MDGA2: variants seen among roughly 807,000 people sequenced by gnomAD.
The protein encoded by MDGA2 is MAM domain-containing glycosylphosphatidylinositol anchor protein 2.
MDGA2 carries 40 observed loss-of-function variants against 117.8 expected under a neutral mutation model. The ratio of observed to expected loss-of-function variants is 0.34; its 90% confidence interval spans 0.26 to 0.44. The LOEUF (loss-of-function observed/expected upper bound fraction) is 0.44. MDGA2 is among the 20% of genes least tolerant of loss of function. The pLI, the probability that MDGA2 is intolerant of heterozygous loss-of-function variation, is 1.00. For synonymous variants in MDGA2, 452 were observed against 439.0 expected (o/e 1.03, Z -0.37); for missense variants, 1,123 against 1,250.6 (o/e 0.90, Z 1.54).
At chr14:47,155,770 C>T (rs1023993399) in intron 3 of MDGA2, among the ~76,000 whole-genome samples, 1 of 152,054 alleles carries the variant, frequency 6.6e-6, no homozygotes, top group Admixed American at 6.6e-5. Flanking sequence ...CTGAGCAAAA[C>T]TTGGGCAAAG....
intron 1 of MDGA2, among the ~76,000 whole-genome samples, chr14:47,591,567 A>G (rs1238222796): frequency 6.6e-6 from 1 of 152,160 alleles, no homozygotes; most frequent in Admixed American, 6.6e-5. Flanking sequence ...GGCAAACCGA[A>G]TCCAGCAGCA....
chr14:47,379,200 A>G (rs1891550194), intron 1 of MDGA2, among the ~76,000 whole-genome samples: 1 of 152,208 alleles, frequency 6.6e-6, no homozygotes. Context: ...GCCTTACAAG[A>G]GCTCCTGAAG....
At chr14:47,256,890 A>T (rs1239675851) in intron 2 of MDGA2, among the ~76,000 whole-genome samples, 1 of 151,874 alleles carries the variant, frequency 6.6e-6, no homozygotes, top group East Asian at 1.9e-4. Flanking sequence ...GAAAAGAAAG[A>T]AAAAAGAAGG....
intron 1 of MDGA2, among the ~76,000 whole-genome samples, chr14:47,321,865 C>A (rs969026508): frequency 2.0e-5 from 3 of 151,874 alleles, no homozygotes. Context: ...TGGTAACATT[C>A]AAAAAAAGAA....
At chr14:46,857,959 AT>A (rs1881339735) in intron 14 of MDGA2, among the ~76,000 whole-genome samples, 1 of 151,938 alleles carries the variant, frequency 6.6e-6, no homozygotes, top group South Asian at 2.1e-4. Flanking sequence ...TGGTCCCATT[AT>A]TTCTAACAAT....
intron 1 of MDGA2, among the ~76,000 whole-genome samples, chr14:47,620,641 C>A (rs189228146): frequency 6.6e-4 from 101 of 152,278 alleles, no homozygotes; most frequent in Non-Finnish European, 1.0e-3. Flanking sequence ...AGCTTATACA[C>A]TGCCCTTCAG....
intron 9 of MDGA2, among the ~76,000 whole-genome samples, chr14:46,932,642 T>C (rs1884624889): frequency 6.6e-6 from 1 of 152,072 alleles, no homozygotes; most frequent in African/African-American, 2.4e-5. Flanking sequence ...TGCTAAGAAT[T>C]AGAAACTAGA....
chr14:47,511,532 T>G (rs963092237), intron 1 of MDGA2, among the ~76,000 whole-genome samples: 1 of 152,184 alleles, frequency 6.6e-6, no homozygotes, highest in African/African-American at 2.4e-5. Context: ...ATAACTAAAC[T>G]GTTTTAAAGT....
At chr14:46,992,359 C>T (rs950101961) in intron 8 of MDGA2, among the ~76,000 whole-genome samples, 2 of 151,964 alleles carry the variant, frequency 1.3e-5, no homozygotes, top group Non-Finnish European at 2.9e-5. Context: ...CCAATGTTAC[C>T]AGAAGACGTT....
At chr14:47,651,409 G>A (rs1237120388) in intron 1 of MDGA2, among the ~76,000 whole-genome samples, 1 of 152,074 alleles carries the variant, frequency 6.6e-6, no homozygotes, top group Non-Finnish European at 1.5e-5. Flanking sequence ...AAAAATCACT[G>A]TATCTCCACC....
chr14:47,219,700 T>A (rs1316562872), intron 2 of MDGA2, among the ~76,000 whole-genome samples: 2 of 151,894 alleles, frequency 1.3e-5, no homozygotes, highest in East Asian at 3.9e-4. Context: ...TGGTTATAAA[T>A]TGACTCTAAA....
chr14:47,578,384 T>G (rs868241027), intron 1 of MDGA2, among the ~76,000 whole-genome samples: 9 of 152,014 alleles, frequency 5.9e-5, no homozygotes, highest in Admixed American at 3.3e-4. Context: ...ACCTACACAT[T>G]CTGCACTTGT....
chr14:47,064,906 C>G (rs1890025573), intron 6 of MDGA2, among the ~76,000 whole-genome samples: 1 of 152,014 alleles, frequency 6.6e-6, no homozygotes, highest in Non-Finnish European at 1.5e-5. Context: ...GTAATTAGTA[C>G]TGGAGTATAA....
chr14:47,106,891 T>C (rs1234337773), intron 5 of MDGA2, among the ~76,000 whole-genome samples: 12 of 135,566 alleles, frequency 8.9e-5, no homozygotes, highest in South Asian at 2.2e-4. Flanking sequence ...ACTTAGACAA[T>C]ACTCTTTTAA....
In MDGA2 at chr14:47,096,770, G is replaced by A. The variant is rs1879996297; in HGVS notation, c.1195+84C>T. 8 of 1,284,564 alleles carry A rather than the reference G, an allele frequency of 6.2e-6. No individual in the cohort carries two copies. In the Admixed American group the frequency reaches 9.5e-5, roughly 15 times the overall value. 79.6% of individuals were successfully genotyped at this position (1,284,564 alleles called of 1,614,324 possible). A position where few individuals can be genotyped will look rare whatever the true frequency, so the allele number is the denominator to read the frequency against. On this transcript the variant is annotated intron_variant, in intron 6 of 16. Coordinates refer to ENST00000399232, the MANE Select transcript of MDGA2 (RefSeq NM_001113498.3). Reference sequence around the variant, plus strand: ...TTTACAGATACATGCAATATTTGAGGAGGTAATTTTATATCAACCATTATT... The same window carrying A: ...TTTACAGATACATGCAATATTTGAGAAGGTAATTTTATATCAACCATTATT...
At chr14:46,873,838 C>G (rs1882115659) in intron 13 of MDGA2, 1 of 565,534 alleles carries the variant, frequency 1.8e-6, no homozygotes. Context: ...CAAAAAATTC[C>G]TATTCTCTCT....
chr14:47,634,925 A>G (rs1897299067), intron 1 of MDGA2, among the ~76,000 whole-genome samples: 1 of 152,088 alleles, frequency 6.6e-6, no homozygotes, highest in African/African-American at 2.4e-5. Flanking sequence ...GCAGGCTAAA[A>G]AATCATAGTT....
intron 1 of MDGA2, among the ~76,000 whole-genome samples, chr14:47,672,520 C>T (rs1898093179): frequency 6.6e-6 from 1 of 152,184 alleles, no homozygotes; most frequent in Non-Finnish European, 1.5e-5. Context: ...GAAAATGGAA[C>T]CATGTCCTTC....
intron 1 of MDGA2, among the ~76,000 whole-genome samples, chr14:47,442,869 A>G (rs1470774529): frequency 6.6e-6 from 1 of 152,122 alleles, no homozygotes; most frequent in Non-Finnish European, 1.5e-5. Flanking sequence ...GAGTAGCATG[A>G]TAAAATCTTG....
Sources: gnomAD v4.1 joint callset for allele counts (sites outside exome capture counted in the v4.1 genomes callset) on GRCh38, gnomAD v4.1.1 for gene constraint, MANE v1.5 for transcripts, NCBI Gene and HGNC (gene_info 2026-07-23, HGNC 2026-07-21) for gene names.